The following ONECUT3 variants were observed in gnomAD, a reference collection of about 807,000 sequenced individuals.
The protein encoded by ONECUT3 is one cut homeobox 3.
In ONECUT3, 11 loss-of-function variants were observed where a neutral mutation model predicts 16.8. The observed-to-expected ratio is 0.66, with a 90% CI of 0.41 to 1.09. ONECUT3 has a LOEUF of 1.09. Ranked by LOEUF, ONECUT3 falls within the 50% of genes least tolerant of loss-of-function variation. The probability of loss-of-function intolerance (pLI) is 0.00; values close to 1 mark genes in which losing one functional copy is unlikely to be tolerated. For synonymous variants in ONECUT3, 344 were observed against 310.7 expected (o/e 1.11, Z -1.13); for missense variants, 637 against 629.9 (o/e 1.01, Z -0.12).
chr19:1,757,430 G>A (rs192253131), intron 1 of ONECUT3, among the ~76,000 whole-genome samples: 4 of 152,364 alleles, frequency 2.6e-5, no homozygotes, highest in Non-Finnish European at 5.9e-5. Flanking sequence ...CGTCTCAGGG[G>A]TGCGTGGGGG....
rs1333202200 is a variant in ONECUT3 at position 1,776,226 on chromosome 19, CG to C, written c.*782del. On this transcript the variant is annotated 3_prime_UTR_variant, in exon 2 of 2. Coordinates refer to ENST00000382349, the MANE Select transcript of ONECUT3 (RefSeq NM_001080488.2). This position sits in a 1 kb window ranked among gnomAD's most constrained non-coding sequence, Gnocchi z 4.9. ...CTCCCACGTGCGGGTAAATTCCAGA[CG>C]CCCCCGCCCCGCCCCGTCTGTTGAG... is the stretch of plus-strand genomic sequence containing the variant. 2.0e-5 allele frequency: 3 copies of C among 152,350 alleles called. No homozygotes were observed. The highest frequency in any genetic ancestry group is 7.2e-5 in the African/African-American group (3 of 41,534). The allele number at this position is 152,350 out of a possible 1,614,324, so 9.4% of individuals were successfully genotyped here.
Position 1,753,676 on chromosome 19 carries a change from T to A in ONECUT3, c.14T>A (p.Leu5Gln). 1 of 1,048,060 alleles carries A rather than the reference T, an allele frequency of 9.5e-7. No individual in the cohort carries two copies. Among genetic ancestry groups the A allele is most frequent in the Non-Finnish European group, 1.1e-6 (1 of 872,002 alleles). 64.9% of individuals were successfully genotyped at this position (1,048,060 alleles called of 1,614,324 possible). The change falls in exon 1 of 2, where the codon CTG (leucine) becomes CAG (glutamine). Residue 5 changes from leucine to glutamine, a missense_variant. Physicochemically the swap from Leu to Gln is moderately radical, Grantham distance 113. This residue lies in a region of ONECUT3 where 419 missense variants were observed against 377.9 expected (regional missense o/e 1.11). Coordinates refer to ENST00000382349, the MANE Select transcript of ONECUT3 (RefSeq NM_001080488.2). MELS[L>Q]ESLGGLHSVA... ...GGGCAGCCGAGCATGGAGCTGAGCCTGGAGAGCCTGGGGGGCCTGCACAGC... is the reference window on the plus strand; with the variant it reads ...GGGCAGCCGAGCATGGAGCTGAGCCAGGAGAGCCTGGGGGGCCTGCACAGC...
chr19:1,763,489 T>G (rs116234552), intron 1 of ONECUT3, among the ~76,000 whole-genome samples: 1,673 of 150,270 alleles, frequency 0.011, 46 homozygotes, highest in African/African-American at 0.039. Context: ...GAGGCTGCAG[T>G]GAGACATGAC....
chr19:1,758,194 G>A lies in ONECUT3; in HGVS notation c.1192+3340G>A, dbSNP rs954298769. 3.9e-5 allele frequency among the ~76,000 whole-genome samples: 6 copies of A among 152,012 alleles called. No homozygotes were observed. The highest frequency in any genetic ancestry group is 7.4e-5 in the Non-Finnish European group (5 of 67,978). On this transcript the variant is annotated intron_variant, in intron 1 of 1. Coordinates refer to ENST00000382349, the MANE Select transcript of ONECUT3 (RefSeq NM_001080488.2). This position sits in a 1 kb window ranked among gnomAD's most constrained non-coding sequence, Gnocchi z 5.9. ...AGGGGTCGCGAGACAAAACCAGAGAGTGGGGAGGGAGAGACCGGGAGCGGG... is the reference window on the plus strand; with the variant it reads ...AGGGGTCGCGAGACAAAACCAGAGAATGGGGAGGGAGAGACCGGGAGCGGG...
At chr19:1,772,232 C>T (rs972805357) in intron 1 of ONECUT3, among the ~76,000 whole-genome samples, 11 of 152,048 alleles carry the variant, frequency 7.2e-5, no homozygotes, top group Admixed American at 4.6e-4. Context: ...AGGCTGGTCT[C>T]GAACTCCTGA....
chr19:1,760,235 C>G (rs548561841), intron 1 of ONECUT3, among the ~76,000 whole-genome samples: 2 of 152,212 alleles, frequency 1.3e-5, no homozygotes, highest in Non-Finnish European at 2.9e-5. Context: ...TAGGAGGGGC[C>G]GTAACAGGAC....
Position 1,754,231 on chromosome 19 carries a change from A to G in ONECUT3, c.569A>G (p.Lys190Arg). 9.1e-7 allele frequency: 1 copy of G among 1,104,148 alleles called. No homozygotes were observed. The highest frequency in any genetic ancestry group is 1.1e-6 in the Non-Finnish European group (1 of 904,794). 68.4% of individuals were successfully genotyped at this position (1,104,148 alleles called of 1,614,324 possible). Residue 190 changes from lysine to arginine, a missense_variant, in exon 1 of 2, where the codon AAG (lysine) becomes AGG (arginine). Coordinates refer to ENST00000382349, the MANE Select transcript of ONECUT3 (RefSeq NM_001080488.2). This position sits in a 1 kb window ranked among gnomAD's most constrained non-coding sequence, Gnocchi z 7.4. ...SVGHLYGPYG[K>R]ELPAMGSPLS... is the part of the protein sequence containing the mutation. The stretch of plus-strand genomic sequence containing the variant: ...GGCCACCTCTACGGACCCTACGGCA[A>G]GGAGCTGCCCGCCATGGGGTCGCCG...
intron 1 of ONECUT3, among the ~76,000 whole-genome samples, chr19:1,770,157 C>G (rs1735359533): frequency 6.6e-6 from 1 of 152,170 alleles, no homozygotes; most frequent in African/African-American, 2.4e-5. Flanking sequence ...CTTTGGGAAG[C>G]TGAAGCTAGA....
Position 1,753,601 on chromosome 19 carries a change from C to A in ONECUT3, c.-62C>A, listed in dbSNP as rs1226647035. The stretch of plus-strand genomic sequence containing the variant: ...CACCGGGGAGCGGGCGGGAGTCATG[C>A]AGCGGCCTTGAGCACTAGGGGCCGG... On this transcript the variant is annotated 5_prime_UTR_variant, in exon 1 of 2. Coordinates refer to ENST00000382349, the MANE Select transcript of ONECUT3 (RefSeq NM_001080488.2). The A allele has an allele frequency of 3.3e-5, 19 of 581,708 alleles. No individual in the cohort carries two copies. The highest frequency in any genetic ancestry group is 4.2e-5 in the Non-Finnish European group (19 of 450,866). The allele number at this position is 581,708 out of a possible 1,614,324, so 36.0% of individuals were successfully genotyped here.
At position 1,764,691 on chromosome 19, in the gene ONECUT3, G is replaced by A. The variant is rs1479591443; in HGVS notation, c.1192+9837G>A. On this transcript the variant is annotated intron_variant, in intron 1 of 1. Coordinates refer to ENST00000382349, the MANE Select transcript of ONECUT3 (RefSeq NM_001080488.2). This position sits in a 1 kb window ranked among gnomAD's most constrained non-coding sequence, Gnocchi z 5.0. Reference sequence around the variant, plus strand: ...GAATCAATTTTCCAGCTCCCCGAGGGGTGCAGGGTGTAGACAGAGGGTGTA... The same window carrying A: ...GAATCAATTTTCCAGCTCCCCGAGGAGTGCAGGGTGTAGACAGAGGGTGTA... Among the ~76,000 whole-genome samples, 1 of 152,102 alleles carries A rather than the reference G, an allele frequency of 6.6e-6. No homozygotes were observed. The highest frequency in any genetic ancestry group is 1.5e-5 in the Non-Finnish European group (1 of 68,010).
At chr19:1,760,633 G>A (rs569808496) in intron 1 of ONECUT3, among the ~76,000 whole-genome samples, 4 of 151,866 alleles carry the variant, frequency 2.6e-5, no homozygotes, top group South Asian at 2.1e-4. Flanking sequence ...GGAGACCACC[G>A]GAGACTCCCA....
chr19:1,754,047 G>C lies in ONECUT3; in HGVS notation c.385G>C (p.Ala129Pro). ...AVADKFHQHA[A>P]AAAVAGAHGG... ...GGCCGACAAGTTCCACCAGCACGCGGCGGCCGCGGCCGTGGCCGGGGCGCA... is the reference window on the plus strand; with the variant it reads ...GGCCGACAAGTTCCACCAGCACGCGCCGGCCGCGGCCGTGGCCGGGGCGCA... Residue 129 changes from alanine to proline, a missense_variant, in exon 1 of 2, where the codon GCG becomes CCG. Coordinates refer to ENST00000382349, the MANE Select transcript of ONECUT3 (RefSeq NM_001080488.2). This position sits in a 1 kb window ranked among gnomAD's most constrained non-coding sequence, Gnocchi z 7.4. The C allele has an allele frequency of 3.0e-6, 3 of 991,828 alleles. No individual in the cohort carries two copies. The African/African-American group carries it at 5.3e-5, about 17-fold the overall frequency. The allele number at this position is 991,828 out of a possible 1,614,324, so 61.4% of individuals were successfully genotyped here.
rs1337645911 is a variant in ONECUT3, at chr19:1,766,239, G to A, written c.1193-8914G>A. On this transcript the variant is annotated intron_variant, in intron 1 of 1. Transcript: ENST00000382349. The surrounding 1 kb of genome is among the most constrained non-coding windows in gnomAD (Gnocchi z 4.0). The stretch of plus-strand genomic sequence containing the variant: ...CGCCCTCCACCCCGCCGGGACATTT[G>A]GGAAGCCTCAGGCAGCCCCACGCGG... 6.6e-6 allele frequency among the ~76,000 whole-genome samples: 1 copy of A among 150,922 alleles called. No homozygotes were observed. The highest frequency in any genetic ancestry group is 6.6e-5 in the Admixed American group (1 of 15,188).
chr19:1,775,626 A>C lies in ONECUT3; in HGVS notation c.*181A>C. ...CACCCCCCAGCCCAAGTGCACAAAA[A>C]GGGCCCCCCTTCCTCCCTCCATGCC... On this transcript the variant is annotated 3_prime_UTR_variant, in exon 2 of 2. Coordinates refer to ENST00000382349, the MANE Select transcript of ONECUT3 (RefSeq NM_001080488.2). The C allele has an allele frequency of 9.6e-6, 5 of 519,020 alleles. No homozygotes were observed. The highest frequency in any genetic ancestry group is 2.1e-5 in the African/African-American group (1 of 47,784). The allele number at this position is 519,020 out of a possible 1,614,324, so 32.2% of individuals were successfully genotyped here. A position where few individuals can be genotyped will look rare whatever the true frequency, so the allele number is the denominator to read the frequency against.
chr19:1,775,126 G>T, intron 1 of ONECUT3, 27 bp from the exon 2 acceptor site: 4 of 1,143,900 alleles, frequency 3.5e-6, no homozygotes, highest in Non-Finnish European at 4.8e-6. Flanking sequence ...TGTCCCGCTC[G>T]CCCGCCCGCC....
chr19:1,763,521 G>GT (rs1325516014), intron 1 of ONECUT3, among the ~76,000 whole-genome samples: 3 of 151,876 alleles, frequency 2.0e-5, no homozygotes, highest in African/African-American at 7.3e-5. Flanking sequence ...ATTCCAGCCT[G>GT]GGCAACACAG....
intron 1 of ONECUT3, among the ~76,000 whole-genome samples, chr19:1,760,210 G>A (rs538336484): frequency 4.6e-5 from 7 of 152,342 alleles, no homozygotes; most frequent in South Asian, 4.1e-4. Flanking sequence ...CTTCTGATGC[G>A]GAGTCAGCTT....
rs184646189 is a variant in ONECUT3, at chr19:1,766,813, C to A, written c.1193-8340C>A. ...GTCTTGCAGGCTGGGCTGAGACCCC[C>A]CCCCCATGCTCCACCACCCTCGTGT... On this transcript the variant is annotated intron_variant, in intron 1 of 1. Coordinates refer to ENST00000382349, the MANE Select transcript of ONECUT3 (RefSeq NM_001080488.2). The surrounding 1 kb of genome is among the most constrained non-coding windows in gnomAD (Gnocchi z 4.0). Among the ~76,000 whole-genome samples the A allele has an allele frequency of 2.0e-5, 3 of 152,094 alleles. No individual in the cohort carries two copies. Among genetic ancestry groups the A allele is most frequent in the Non-Finnish European group, 4.4e-5 (3 of 68,000 alleles).
At position 1,766,175 on chromosome 19, in the gene ONECUT3, A is replaced by T. The variant is rs1357439675; in HGVS notation, c.1193-8978A>T. Among the ~76,000 whole-genome samples the T allele has an allele frequency of 6.6e-6, 1 of 152,200 alleles. No homozygotes were observed. The highest frequency in any genetic ancestry group is 1.9e-4 in the East Asian group (1 of 5,186). ...CCCCATCGTGGTTGAGCGCCCGTGCAGGCGCCACCCACCCACCCACAGCAC... is the reference window on the plus strand; with the variant it reads ...CCCCATCGTGGTTGAGCGCCCGTGCTGGCGCCACCCACCCACCCACAGCAC... On this transcript the variant is annotated intron_variant, in intron 1 of 1. Transcript: ENST00000382349. The surrounding 1 kb of genome is among the most constrained non-coding windows in gnomAD (Gnocchi z 4.0).
Sources: gnomAD v4.1 joint callset for allele counts (sites outside exome capture counted in the v4.1 genomes callset) on GRCh38, gnomAD v4.1.1 for gene constraint, gnomAD v4.1.1 regional missense constraint, Gnocchi (gnomAD v3.1) non-coding constraint, MANE v1.5 for transcripts, NCBI Gene and HGNC (gene_info 2026-07-23, HGNC 2026-07-21) for gene names.